Variants in CELF2 observed in about 807,000 individuals in gnomAD.
The protein encoded by CELF2 is CUG triplet repeat RNA-binding protein 2.
CELF2 carries 8 observed loss-of-function variants against 62.6 expected under a neutral mutation model. The observed-to-expected ratio is 0.13, with a 90% CI of 0.07 to 0.23. CELF2 has a LOEUF of 0.23. Ranked by LOEUF, CELF2 falls within the 10% of genes least tolerant of loss-of-function variation. The pLI, the probability that CELF2 is intolerant of heterozygous loss-of-function variation, is 1.00. For missense variants in CELF2, 333 were observed against 671.0 expected, an observed-to-expected ratio of 0.50 and a Z score of 5.56; for synonymous variants, 258 against 250.0, an observed-to-expected ratio of 1.03 and a Z score of -0.30.
chr10:10,605,338 G>T, the CELF2 span, among the ~76,000 whole-genome samples: 1 of 152,122 alleles, frequency 6.6e-6, no homozygotes, highest in Non-Finnish European at 1.5e-5. Context: ...TAATACCTAG[G>T]TGATGGGTTG....
chr10:10,566,422 T>A, the CELF2 span, among the ~76,000 whole-genome samples: 2 of 146,258 alleles, frequency 1.4e-5, no homozygotes, highest in African/African-American at 4.9e-5. Context: ...TTTTTTAATT[T>A]TTTTTTTTAT....
intron 2 of CELF2, among the ~76,000 whole-genome samples, chr10:10,969,315 T>C (rs2050499534): frequency 6.6e-6 from 1 of 152,172 alleles, no homozygotes; most frequent in Non-Finnish European, 1.5e-5. Context: ...TGAATTCCAC[T>C]AAGTCACAGG....
chr10:10,950,967 T>C (rs748311646), intron 2 of CELF2, among the ~76,000 whole-genome samples: 2 of 152,232 alleles, frequency 1.3e-5, no homozygotes, highest in Non-Finnish European at 2.9e-5. Context: ...GTGTATGTTG[T>C]AGTGGTTATT....
At chr10:10,975,582 T>C (rs912597602) in intron 2 of CELF2, among the ~76,000 whole-genome samples, 1 of 152,238 alleles carries the variant, frequency 6.6e-6, no homozygotes, top group African/African-American at 2.4e-5. Context: ...TTCATGGAGA[T>C]CTTAGTACTT....
chr10:11,134,764 A>T (rs2060167104), intron 1 of CELF2, among the ~76,000 whole-genome samples: 1 of 152,184 alleles, frequency 6.6e-6, no homozygotes, highest in Non-Finnish European at 1.5e-5. Context: ...AGGAGAGAGC[A>T]AGGAACACCC....
chr10:10,736,396 C>CTTTCTTTCTTTCTTTCTTTCTTTTTTT, the CELF2 span, among the ~76,000 whole-genome samples: 2 of 76,016 alleles, frequency 2.6e-5, no homozygotes, highest in African/African-American at 9.9e-5. Flanking sequence ...TTCTTTCTTT[C>CTTTCTTTCTTTCTTTCTTTCTTTTTTT]TTTTTTTTTT....
At chr10:11,033,484 C>T (rs1025626772) in intron 1 of CELF2, among the ~76,000 whole-genome samples, 4 of 152,074 alleles carry the variant, frequency 2.6e-5, no homozygotes, top group Admixed American at 2.0e-4. Flanking sequence ...CTCAGCCTCC[C>T]GACCTCAGGT....
At chr10:10,491,390 T>C in the CELF2 span, among the ~76,000 whole-genome samples, 1 of 152,152 alleles carries the variant, frequency 6.6e-6, no homozygotes. Flanking sequence ...GCACTAGAAA[T>C]AGTTTTGAAT....
chr10:10,789,759 T>C, the CELF2 span, among the ~76,000 whole-genome samples: 15 of 152,284 alleles, frequency 9.9e-5, no homozygotes, highest in South Asian at 6.2e-4. Context: ...TCTTCCTCCA[T>C]ACATTTTCTG....
At chr10:11,026,528 A>G (rs1364782471) in intron 1 of CELF2, among the ~76,000 whole-genome samples, 1 of 152,188 alleles carries the variant, frequency 6.6e-6, no homozygotes. Flanking sequence ...GACAGAAAGC[A>G]TTTGTTAGAG....
At chr10:11,083,285 T>G (rs1007270191) in intron 1 of CELF2, among the ~76,000 whole-genome samples, 2 of 152,228 alleles carry the variant, frequency 1.3e-5, no homozygotes, top group African/African-American at 4.8e-5. Context: ...CTGTGCCAAC[T>G]GGTGAATTCC....
chr10:11,276,025 A>G (rs2085953658), intron 8 of CELF2, among the ~76,000 whole-genome samples: 1 of 152,242 alleles, frequency 6.6e-6, no homozygotes, highest in African/African-American at 2.4e-5. Flanking sequence ...GACACCCTGA[A>G]TCAGTGCAAT....
chr10:11,088,450 T>G (rs2047405697), intron 1 of CELF2, among the ~76,000 whole-genome samples: 1 of 152,152 alleles, frequency 6.6e-6, no homozygotes. Context: ...TCCCTAGACA[T>G]TAGAGATCTA....
chr10:10,480,396 C>T, the CELF2 span, among the ~76,000 whole-genome samples: 4 of 152,144 alleles, frequency 2.6e-5, no homozygotes, highest in Non-Finnish European at 5.9e-5. Context: ...TTTCTCTGCA[C>T]GCAGCTACCC....
At chr10:11,086,856 G>A (rs2046957713) in intron 1 of CELF2, among the ~76,000 whole-genome samples, 2 of 152,160 alleles carry the variant, frequency 1.3e-5, no homozygotes, top group South Asian at 4.1e-4. Context: ...AGGGAAAGGT[G>A]TTTTCTTGCT....
rs567808205 is a variant in CELF2, at chr10:10,810,788, G to T, written c.53+11971G>T. On this transcript the variant is annotated intron_variant, in intron 1 of 13. Transcript: ENST00000636488. ...AAGTCATGCCAACAAGAAGTGGGTA[G>T]AGTGAGTGCCATCGTGGTGGAGCTT... 1.4e-4 allele frequency among the ~76,000 whole-genome samples: 21 copies of T among 152,340 alleles called. No individual in the cohort carries two copies. The South Asian group carries it at 4.1e-3, about 30-fold the overall frequency.
Position 11,290,557 on chromosome 10 carries a change from G to A in CELF2, c.976+2005G>A, listed in dbSNP as rs577285827. Among the ~76,000 whole-genome samples, 2 of 152,038 alleles carry A rather than the reference G, an allele frequency of 1.3e-5. No individual in the cohort carries two copies. The highest frequency in any genetic ancestry group is 4.8e-5 in the African/African-American group (2 of 41,372). The stretch of plus-strand genomic sequence containing the variant: ...AAAAAAAAATGTGGGCCACTCAGAC[G>A]GTCTAGGGCGACGGCCTAGGTGTTA... On this transcript the variant is annotated intron_variant, in intron 9 of 12. Transcript: ENST00000633077. This position sits in a 1 kb window ranked among gnomAD's most constrained non-coding sequence, Gnocchi z 4.3.
intron 1 of CELF2, among the ~76,000 whole-genome samples, chr10:10,858,975 C>T (rs2059907980): frequency 6.6e-6 from 1 of 152,052 alleles, no homozygotes; most frequent in South Asian, 2.1e-4. Context: ...TTTTTAGATA[C>T]CCACAAGTGG....
rs979516691 is a variant in CELF2, at chr10:11,314,768, A to G, written c.1096+510A>G. On this transcript the variant is annotated intron_variant, in intron 10 of 12. Coordinates refer to ENST00000633077, the MANE Select transcript of CELF2 (RefSeq NM_001326342.2). This position sits in a 1 kb window ranked among gnomAD's most constrained non-coding sequence, Gnocchi z 5.3. ...AAGGTAGCCTCCAGCTCCAAAGTCT[A>G]AAGATTCATGACAATTAAATAGGGG... is the stretch of plus-strand genomic sequence containing the variant. The G allele has an allele frequency of 2.5e-5, 5 of 200,866 alleles. No individual in the cohort carries two copies. The highest frequency in any genetic ancestry group is 7.1e-5 in the African/African-American group (3 of 42,406). The allele number at this position is 200,866 out of a possible 1,614,324, so 12.4% of individuals were successfully genotyped here.
Sources: allele counts gnomAD v4.1 joint callset (sites outside exome capture counted in the v4.1 genomes callset), GRCh38; gene constraint gnomAD v4.1.1; non-coding constraint Gnocchi (gnomAD v3.1); transcripts MANE v1.5; gene names NCBI Gene and HGNC (gene_info 2026-07-23, HGNC 2026-07-21).